ARHGEF3: variants seen among roughly 807,000 people sequenced by gnomAD.
The protein encoded by ARHGEF3 is Rho guanine nucleotide exchange factor 3.
A neutral mutation model predicts 63.2 loss-of-function variants in ARHGEF3; 28 were observed. The observed-to-expected ratio is 0.44, with a 90% CI of 0.33 to 0.61. The LOEUF (loss-of-function observed/expected upper bound fraction) is 0.61, where lower values mean the gene tolerates loss of function less well. ARHGEF3 is among the 20% of genes least tolerant of loss of function. The pLI is 0.03. For missense variants in ARHGEF3, 533 were observed against 659.3 expected (o/e 0.81, Z 2.10); for synonymous variants, 266 against 254.2 (o/e 1.05, Z -0.44).
intron 4 of ARHGEF3, among the ~76,000 whole-genome samples, chr3:56,862,337 C>A (rs1294536291): frequency 1.3e-5 from 2 of 152,144 alleles, no homozygotes; most frequent in African/African-American, 4.8e-5. Flanking sequence ...ACAGCCAACA[C>A]CAAAACATTT....
chr3:56,846,304 T>TG (rs1346901465), intron 4 of ARHGEF3, among the ~76,000 whole-genome samples: 19 of 152,098 alleles, frequency 1.2e-4, no homozygotes, highest in African/African-American at 4.3e-4. Context: ...AATTAGAAAA[T>TG]GGGGCAGGAG....
intron 3 of ARHGEF3, among the ~76,000 whole-genome samples, chr3:56,948,671 T>C (rs548650767): frequency 3.5e-4 from 54 of 152,236 alleles, no homozygotes; most frequent in Middle Eastern, 6.8e-3. Context: ...CAGGACCAGA[T>C]GGATTCACAG....
At chr3:56,749,057 G>A (rs1026274476) in intron 6 of ARHGEF3, among the ~76,000 whole-genome samples, 1 of 152,078 alleles carries the variant, frequency 6.6e-6, no homozygotes, top group Non-Finnish European at 1.5e-5. Flanking sequence ...GTACCCCTAG[G>A]TTTACTGTTC....
At chr3:57,025,923 A>C (rs554768206) in intron 2 of ARHGEF3, among the ~76,000 whole-genome samples, 1 of 152,270 alleles carries the variant, frequency 6.6e-6, no homozygotes, top group South Asian at 2.1e-4. Context: ...CTTCAGCTCA[A>C]GCCCCAGAAG....
chr3:56,728,400 GT>G lies in ARHGEF3; in HGVS notation c.*869del, dbSNP rs1283008868. The G allele has an allele frequency of 2.6e-5, 4 of 152,556 alleles. No individual in the cohort carries two copies. Among genetic ancestry groups the G allele is most frequent in the Non-Finnish European group, 4.4e-5 (3 of 68,038 alleles). 9.5% of individuals were successfully genotyped at this position (152,556 alleles called of 1,614,324 possible). On this transcript the variant is annotated 3_prime_UTR_variant, in exon 10 of 10. Coordinates refer to ENST00000296315, the MANE Select transcript of ARHGEF3 (RefSeq NM_019555.3). The stretch of plus-strand genomic sequence containing the variant: ...GATAGAGTCATGGTCTCTCTTCCTT[GT>G]TGCTTCATTCATTCTCTAAAATAAT...
At chr3:57,014,409 A>C (rs1004594460) in intron 2 of ARHGEF3, among the ~76,000 whole-genome samples, 10 of 152,242 alleles carry the variant, frequency 6.6e-5, no homozygotes, top group African/African-American at 2.4e-4. Context: ...ACCCCTGTTC[A>C]TCACAACCTG....
chr3:56,988,191 C>G (rs1701615034), intron 2 of ARHGEF3, among the ~76,000 whole-genome samples: 1 of 152,280 alleles, frequency 6.6e-6, no homozygotes, highest in East Asian at 1.9e-4. Context: ...GTCGCCCAGG[C>G]AGGGGAGTGC....
chr3:56,910,320 C>T (rs1444416655), intron 3 of ARHGEF3, among the ~76,000 whole-genome samples: 1 of 152,136 alleles, frequency 6.6e-6, no homozygotes, highest in Non-Finnish European at 1.5e-5. Context: ...ACCTTGGCAC[C>T]TGGCGCAGAA....
At chr3:56,883,293 T>C (rs2108262006) in intron 3 of ARHGEF3, among the ~76,000 whole-genome samples, 1 of 152,070 alleles carries the variant, frequency 6.6e-6, no homozygotes, top group East Asian at 1.9e-4. Context: ...TGTGAAAAAG[T>C]ATGTTTTTCT....
intron 7 of ARHGEF3, among the ~76,000 whole-genome samples, chr3:56,740,132 G>A (rs34791716): frequency 0.029 from 4,436 of 151,720 alleles, 88 homozygotes; most frequent in African/African-American, 0.055. Context: ...ACTCCTGACC[G>A]CATGATCTGC....
intron 1 of ARHGEF3, among the ~76,000 whole-genome samples, chr3:57,055,071 C>A (rs1341627961): frequency 1.3e-5 from 2 of 152,084 alleles, no homozygotes; most frequent in Non-Finnish European, 2.9e-5. Context: ...TTTTCCCAGA[C>A]TGCAGCTTGC....
intron 4 of ARHGEF3, among the ~76,000 whole-genome samples, chr3:56,807,495 A>T (rs1355122020): frequency 2.0e-5 from 3 of 152,196 alleles, no homozygotes; most frequent in Non-Finnish European, 2.9e-5. Context: ...TTTCCCTGGT[A>T]TCTGAAGTCA....
intron 4 of ARHGEF3, among the ~76,000 whole-genome samples, chr3:56,811,960 T>C (rs2038083303): frequency 6.6e-6 from 1 of 152,192 alleles, no homozygotes; most frequent in Non-Finnish European, 1.5e-5. Flanking sequence ...CCTGCTCATA[T>C]TGACTGATTT....
Position 56,729,226 on chromosome 3 carries a change from A to G in ARHGEF3, c.*44T>C, listed in dbSNP as rs769747007. 5 of 1,536,086 alleles carry G rather than the reference A, an allele frequency of 3.3e-6. No individual in the cohort carries two copies. In the East Asian group the frequency reaches 1.1e-4, roughly 35 times the overall value. On this transcript the variant is annotated 3_prime_UTR_variant, in exon 10 of 10. Coordinates refer to ENST00000296315, the MANE Select transcript of ARHGEF3 (RefSeq NM_019555.3). ...TCCATCTGTGGAATGCAAATACTGT[A>G]CAGGTAAGATGCAGGCCTGCTTCCC...
intron 2 of ARHGEF3, among the ~76,000 whole-genome samples, chr3:56,981,941 C>G (rs1459956130): frequency 6.6e-6 from 1 of 152,204 alleles, no homozygotes; most frequent in Non-Finnish European, 1.5e-5. Context: ...TCAGGAAGGG[C>G]CAACCCCAGG....
chr3:56,751,112 C>A lies in ARHGEF3; in HGVS notation c.556G>T (p.Asp186Tyr), dbSNP rs982106793. 1.9e-6 allele frequency: 3 copies of A among 1,613,988 alleles called. No homozygotes were observed. In the African/African-American group the frequency reaches 4.0e-5, roughly 22 times the overall value. ...LHEELLSQLR[D>Y]VRKPDGSTEH... ...GTCGAGCCATCAGGCTTCCTAACATCTCGAAGCTGACTAAGGAGCTCTGGC... is the reference window on the plus strand; with the variant it reads ...GTCGAGCCATCAGGCTTCCTAACATATCGAAGCTGACTAAGGAGCTCTGGC... The change falls in exon 6 of 10, where the codon GAT becomes TAT. Residue 186 changes from aspartate (D) to tyrosine (Y), a missense_variant. Asp to Tyr is a radical substitution (Grantham distance 160). This residue lies in a region of ARHGEF3 where 107 missense variants were observed against 207.9 expected (regional missense o/e 0.51). Coordinates refer to ENST00000296315, the MANE Select transcript of ARHGEF3 (RefSeq NM_019555.3).
intron 4 of ARHGEF3, among the ~76,000 whole-genome samples, chr3:56,847,648 GCTCACTGCAA>G (rs2039532985): frequency 6.6e-6 from 1 of 152,136 alleles, no homozygotes; most frequent in Admixed American, 6.5e-5. Context: ...CGTGGTCTCG[GCTCACTGCAA>G]CCTTCGTCTC....
At chr3:56,747,112 C>CG (rs150273725) in intron 6 of ARHGEF3, among the ~76,000 whole-genome samples, 17,820 of 151,508 alleles carry the variant, frequency 0.12, 1,253 homozygotes, top group South Asian at 0.33. Context: ...AAACGTGGTA[C>CG]TGTGGCTTGT....
chr3:57,067,815 TA>T (rs542326960), intron 1 of ARHGEF3, among the ~76,000 whole-genome samples: 69 of 139,960 alleles, frequency 4.9e-4, no homozygotes, highest in Non-Finnish European at 6.6e-4. Context: ...CCGTCTCTAC[TA>T]AAAAAAAAAA....
Sources: gnomAD v4.1 joint callset for allele counts (sites outside exome capture counted in the v4.1 genomes callset) on GRCh38, gnomAD v4.1.1 for gene constraint, gnomAD v4.1.1 regional missense constraint, MANE v1.5 for transcripts, NCBI Gene and HGNC (gene_info 2026-07-23, HGNC 2026-07-21) for gene names.